CLASP2: variants seen among roughly 807,000 people sequenced by gnomAD.
CLASP2 encodes cytoplasmic linker associated protein 2.
A neutral mutation model predicts 194.4 loss-of-function variants in CLASP2; 47 were observed. The ratio of observed to expected loss-of-function variants is 0.24; its 90% confidence interval spans 0.19 to 0.31. The LOEUF is 0.31. Among genes scored for constraint, CLASP2 ranks in the 10% least tolerant of loss-of-function variants. The pLI is 1.00. For missense variants in CLASP2, 1,445 were observed against 1,823.6 expected (o/e 0.79, Z 3.78); for synonymous variants, 619 against 633.5 (o/e 0.98, Z 0.34).
chr3:33,626,006 C>T (rs2154286733), intron 10 of CLASP2, among the ~76,000 whole-genome samples: 1 of 152,194 alleles, frequency 6.6e-6, no homozygotes, highest in South Asian at 2.1e-4. Context: ...AACACTTAAT[C>T]TGTCATGTTT....
At position 33,603,102 on chromosome 3, in the gene CLASP2, T is replaced by G. The variant is rs979158877; in HGVS notation, c.1774A>C (p.Ser592Arg). ...CGCTGCAGGCTTCCTGGAAGGGAAC[T>G]GGCTTTGCTGCTGCCTGCTGATACT... ...GRVSAGSSKA[S>R]SLPGSLQRSR... is the part of the protein sequence containing the mutation. The change falls in exon 18 of 39, where the codon AGT (serine) becomes CGT (arginine). Residue 592 changes from serine (S) to arginine (R), a missense_variant. Physicochemically the swap from Ser to Arg is moderately radical, Grantham distance 110 (BLOSUM62 -1). Coordinates refer to ENST00000682230, the MANE Select transcript of CLASP2 (RefSeq NM_001365631.1). The G allele has an allele frequency of 6.3e-7, 1 of 1,583,734 alleles. No homozygotes were observed. Among genetic ancestry groups the G allele is most frequent in the South Asian group, 1.1e-5 (1 of 87,206 alleles).
intron 5 of CLASP2, 151 bp downstream of exon 5, chr3:33,686,909 A>G: frequency 3.6e-6 from 2 of 556,538 alleles, no homozygotes; most frequent in South Asian, 5.5e-5. Flanking sequence ...TTTAAAAACT[A>G]ACTTTGATGG....
intron 37 of CLASP2, among the ~76,000 whole-genome samples, chr3:33,509,409 C>T (rs1054528913): frequency 6.6e-6 from 1 of 152,106 alleles, no homozygotes; most frequent in South Asian, 2.1e-4. Flanking sequence ...GAGACAGAGT[C>T]TCTCCATGTT....
At chr3:33,584,075 A>G (rs1244623934) in intron 22 of CLASP2, among the ~76,000 whole-genome samples, 1 of 152,206 alleles carries the variant, frequency 6.6e-6, no homozygotes, top group Non-Finnish European at 1.5e-5. Context: ...AAAGTATCCT[A>G]ATCAATACAC....
intron 16 of CLASP2, among the ~76,000 whole-genome samples, chr3:33,604,633 T>C (rs966483661): frequency 3.3e-5 from 5 of 152,178 alleles, no homozygotes; most frequent in Non-Finnish European, 5.9e-5. Flanking sequence ...TACTTCCAAT[T>C]TGAATTCTCC....
Position 33,610,217 on chromosome 3 carries a change from C to T in CLASP2, c.1389-1591G>A, listed in dbSNP as rs1333185968. 2.6e-5 allele frequency among the ~76,000 whole-genome samples: 4 copies of T among 152,146 alleles called. No individual in the cohort carries two copies. In the East Asian group the frequency reaches 7.7e-4, roughly 29 times the overall value. ...TTTCATAGCTGGAGTAAAAATTAGG[C>T]TTGGACATCACCTCCTCACCAAAAA... On this transcript the variant is annotated intron_variant, in intron 13 of 38. Transcript: ENST00000682230.
intron 11 of CLASP2, among the ~76,000 whole-genome samples, chr3:33,620,483 G>C (rs1206165046): frequency 6.6e-6 from 1 of 152,172 alleles, no homozygotes; most frequent in Non-Finnish European, 1.5e-5. Flanking sequence ...GATAGAGTTA[G>C]CTCCAATAAT....
chr3:33,614,690 C>T (rs1421028558), intron 12 of CLASP2, among the ~76,000 whole-genome samples: 7 of 152,138 alleles, frequency 4.6e-5, no homozygotes, highest in South Asian at 2.1e-4. Context: ...TGGTGGCTCA[C>T]GCCTGTAATC....
chr3:33,685,342 C>CAAAAAAAAA (rs56240569), intron 5 of CLASP2, among the ~76,000 whole-genome samples: 10 of 48,144 alleles, frequency 2.1e-4, no homozygotes, highest in South Asian at 1.1e-3. Context: ...AACTCCGTCT[C>CAAAAAAAAA]AAAAAAAAAA....
intron 8 of CLASP2, among the ~76,000 whole-genome samples, chr3:33,634,234 CT>C (rs2079667051): frequency 6.6e-6 from 1 of 152,180 alleles, no homozygotes; most frequent in African/African-American, 2.4e-5. Flanking sequence ...ATTATCTAAA[CT>C]GTGTACCTAG....
At chr3:33,620,237 T>C (rs1301226422) in intron 11 of CLASP2, among the ~76,000 whole-genome samples, 1 of 152,224 alleles carries the variant, frequency 6.6e-6, no homozygotes, top group Non-Finnish European at 1.5e-5. Context: ...TCCCTCACTT[T>C]TTTGGAGTAG....
At chr3:33,562,195 T>C (rs893895359) in intron 27 of CLASP2, among the ~76,000 whole-genome samples, 2 of 152,230 alleles carry the variant, frequency 1.3e-5, no homozygotes. Context: ...TTTTGAGTAT[T>C]CTCTGGTCCC....
chr3:33,691,732 T>C (rs1392147540), intron 2 of CLASP2, among the ~76,000 whole-genome samples: 1 of 152,258 alleles, frequency 6.6e-6, no homozygotes, highest in Non-Finnish European at 1.5e-5. Flanking sequence ...TAGATATTAT[T>C]ATGCACTAAC....
In CLASP2 at chr3:33,628,355, T is replaced by TG. The variant is rs1184545202; in HGVS notation, c.943-1276dup. The stretch of plus-strand genomic sequence containing the variant: ...GAACCTTCTTCCACCCCTAATCTTA[T>TG]GATGCATTCCCCTGGAACACAATGC... On this transcript the variant is annotated intron_variant, in intron 9 of 38. Coordinates refer to ENST00000682230, the MANE Select transcript of CLASP2 (RefSeq NM_001365631.1). 2.0e-5 allele frequency among the ~76,000 whole-genome samples: 3 copies of TG among 152,146 alleles called. No individual in the cohort carries two copies. In the East Asian group the frequency reaches 5.8e-4, roughly 29 times the overall value.
At position 33,696,871 on chromosome 3, in the gene CLASP2, T is replaced by C; in HGVS notation, c.258A>G (p.Lys86=). The C allele has an allele frequency of 6.3e-7, 1 of 1,591,764 alleles. No individual in the cohort carries two copies. The highest frequency in any genetic ancestry group is 1.7e-4 in the Middle Eastern group (1 of 6,020). ...TTAACTTACCCATTGCTACATAGGA[T>C]TTAAAGCGTGTTGATAATCTGTCCA... The part of the protein sequence containing the change: ...AFVDRLSTRF[K]SYVAMVIVAL... The change falls in exon 2 of 39, where the codon AAA becomes AAG. Residue 86 remains lysine, a synonymous_variant. Transcript: ENST00000682230.
intron 19 of CLASP2, chr3:33,596,489 T>C (rs1279121675): frequency 9.3e-6 from 4 of 431,476 alleles, no homozygotes; most frequent in South Asian, 5.2e-5. Flanking sequence ...TAAAACAAAA[T>C]AGTTACCTAG....
chr3:33,573,021 C>T, intron 25 of CLASP2, 89 bp downstream of exon 25: 1 of 1,435,984 alleles, frequency 7.0e-7, no homozygotes, highest in African/African-American at 1.4e-5. Context: ...TCTGTTTCTA[C>T]ACCAGTATCT....
Position 33,535,324 on chromosome 3 carries a change from A to T in CLASP2, c.3696T>A (p.Asn1232Lys). The change falls in exon 34 of 39, where the codon AAT (asparagine) becomes AAA (lysine). Residue 1232 changes from asparagine to lysine, a missense_variant. Around this residue, in one of 4 missense-constraint regions of CLASP2, gnomAD observed 732 missense variants for 987.9 expected, o/e 0.74. Transcript: ENST00000682230. ...THSSPRSRDY[N>K]PYNYSDSISP... ...TGATGCTATCTGAATAGTTATATGG[A>T]TTATAGTCTCGAGAGCGTGGAGAGG... 6.2e-7 allele frequency: 1 copy of T among 1,613,920 alleles called. No individual in the cohort carries two copies. The highest frequency in any genetic ancestry group is 1.7e-5 in the Admixed American group (1 of 60,018).
chr3:33,557,938 T>C (rs140818361), intron 29 of CLASP2, among the ~76,000 whole-genome samples: 2 of 152,380 alleles, frequency 1.3e-5, no homozygotes, highest in African/African-American at 4.8e-5. Context: ...GATAGAAGGC[T>C]ACATAGTTCT....
Sources: allele counts gnomAD v4.1 joint callset (sites outside exome capture counted in the v4.1 genomes callset), GRCh38; gene constraint gnomAD v4.1.1; regional missense constraint gnomAD v4.1.1; transcripts MANE v1.5; gene names NCBI Gene and HGNC (gene_info 2026-07-23, HGNC 2026-07-21).